Variants in CRLS1 observed in about 807,000 individuals in gnomAD.
The protein encoded by CRLS1 is cardiolipin synthase (CMP-forming).
Under a neutral mutation model 37.0 loss-of-function variants are expected in CRLS1, and 24 were observed. The ratio of observed to expected loss-of-function variants is 0.65; its 90% CI spans 0.47 to 0.91. The LOEUF is 0.91. Ranked by LOEUF, CRLS1 falls within the 40% of genes least tolerant of loss-of-function variation. The pLI is 0.00. For synonymous variants in CRLS1, 135 were observed against 159.7 expected (o/e 0.85, Z 1.17); for missense variants, 373 against 395.8 (o/e 0.94, Z 0.49).
intron 4 of CRLS1, 66 bp from the exon 5 acceptor site, chr20:6,031,944 CTA>C: frequency 8.5e-7 from 1 of 1,172,360 alleles, no homozygotes; most frequent in Non-Finnish European, 1.3e-6. Context: ...AACAAAATGT[CTA>C]TTTTAAATAA....
At chr20:6,028,973 GGA>G (rs1979933643) in intron 3 of CRLS1, among the ~76,000 whole-genome samples, 1 of 152,180 alleles carries the variant, frequency 6.6e-6, no homozygotes, top group African/African-American at 2.4e-5. Flanking sequence ...AACCACAGTA[GGA>G]GCCCATATCC....
At chr20:6,015,896 G>T in intron 3 of CRLS1, 1 of 217,398 alleles carries the variant, frequency 4.6e-6, no homozygotes, top group South Asian at 6.5e-5. Flanking sequence ...TTCTGAAGAT[G>T]TCTATAAAAT....
rs190494625 is a variant in CRLS1, at chr20:6,026,012, G to A, written c.575-5273G>A. ...TTTAAAATATAACACAGACTTAGTG[G>A]ATAAGGCCGCTGCAGGGCTTGAAAG... On this transcript the variant is annotated intron_variant, in intron 3 of 6. Transcript: ENST00000378863. Among the ~76,000 whole-genome samples, 462 of 152,312 alleles carry A rather than the reference G, an allele frequency of 3.0e-3. 2 individuals are homozygous for A. Among genetic ancestry groups the A allele is most frequent in the African/African-American group, 9.8e-3 (408 of 41,566 alleles).
At chr20:6,012,344 A>G (rs1448947167) in intron 2 of CRLS1, among the ~76,000 whole-genome samples, 1 of 152,166 alleles carries the variant, frequency 6.6e-6, no homozygotes, top group African/African-American at 2.4e-5. Context: ...CAAGAGTGGA[A>G]GCAGAGTAAC....
chr20:6,006,208 C>T lies in CRLS1; in HGVS notation c.-39C>T, dbSNP rs1271027132. The T allele has an allele frequency of 4.0e-5, 46 of 1,163,848 alleles. No homozygotes were observed. Among genetic ancestry groups the T allele is most frequent in the Non-Finnish European group, 4.6e-5 (43 of 930,108 alleles). The allele number at this position is 1,163,848 out of a possible 1,614,324, so 72.1% of individuals were successfully genotyped here. On this transcript the variant is annotated 5_prime_UTR_variant, in exon 1 of 7. Coordinates refer to ENST00000378863, the MANE Select transcript of CRLS1 (RefSeq NM_019095.6). ...CTCGCCAGTGTCCCAGGCTGCTGAG[C>T]TCTCGCCGCCCGAGACCCCGCGGCG... is the stretch of plus-strand genomic sequence containing the variant.
intron 3 of CRLS1, among the ~76,000 whole-genome samples, chr20:6,027,932 G>T (rs1413355780): frequency 6.6e-6 from 1 of 152,126 alleles, no homozygotes; most frequent in African/African-American, 2.4e-5. Context: ...AAGGACTTAG[G>T]TTTTGGCTCT....
chr20:6,031,208 G>T, intron 3 of CRLS1, 77 bp from the exon 4 acceptor site: 2 of 895,970 alleles, frequency 2.2e-6, no homozygotes, highest in South Asian at 2.0e-5. Flanking sequence ...AAGGCTGAAT[G>T]ACATATTATT....
intron 6 of CRLS1, among the ~76,000 whole-genome samples, chr20:6,035,029 CTTAT>C (rs1253433116): frequency 1.3e-5 from 2 of 152,180 alleles, no homozygotes; most frequent in Non-Finnish European, 2.9e-5. Flanking sequence ...ATACTAATTG[CTTAT>C]TTATCATCTT....
intron 3 of CRLS1, chr20:6,015,804 C>T (rs1475877172): frequency 1.1e-5 from 3 of 275,566 alleles, no homozygotes; most frequent in Non-Finnish European, 1.4e-5. Context: ...ATTTTTAGTG[C>T]CTAGCTTTTC....
intron 6 of CRLS1, among the ~76,000 whole-genome samples, chr20:6,036,101 A>G (rs553351490): frequency 6.6e-6 from 1 of 152,086 alleles, no homozygotes; most frequent in Admixed American, 6.5e-5. Context: ...CACTGTGCCC[A>G]GCCACTAATT....
chr20:6,014,335 C>T (rs1395575176), intron 2 of CRLS1, among the ~76,000 whole-genome samples: 1 of 152,046 alleles, frequency 6.6e-6, no homozygotes, highest in Non-Finnish European at 1.5e-5. Context: ...TTTTTTTTAC[C>T]ACGGTCCTGG....
At chr20:6,026,229 C>T (rs115243156) in intron 3 of CRLS1, 127 of 152,226 alleles carry the variant, frequency 8.3e-4, no homozygotes, top group African/African-American at 2.9e-3. Context: ...CAGCAGCTGT[C>T]AACATTGAGG....
chr20:6,006,887 T>C, intron 1 of CRLS1: 1 of 912,490 alleles, frequency 1.1e-6, no homozygotes, highest in African/African-American at 1.8e-5. Context: ...TTGAAGTGAA[T>C]CCCCAGTGTT....
chr20:6,032,456 C>A (rs1391745884), intron 5 of CRLS1, among the ~76,000 whole-genome samples: 1 of 149,764 alleles, frequency 6.7e-6, no homozygotes, highest in African/African-American at 2.5e-5. Flanking sequence ...GCCTTGGGTT[C>A]CCAAATTATT....
rs1368516896 is a variant in CRLS1 at position 6,038,517 on chromosome 20, G to A, written c.*1359G>A. 1 of 152,300 alleles carries A rather than the reference G, an allele frequency of 6.6e-6. No homozygotes were observed. Among genetic ancestry groups the A allele is most frequent in the African/African-American group, 2.4e-5 (1 of 41,472 alleles). The allele number at this position is 152,300 out of a possible 1,614,324, so 9.4% of individuals were successfully genotyped here. A position where few individuals can be genotyped will look rare whatever the true frequency, so the allele number is the denominator to read the frequency against. On this transcript the variant is annotated 3_prime_UTR_variant, in exon 7 of 7. Transcript: ENST00000378863. Reference sequence around the variant, plus strand: ...TGCGCTTGGCTTGAAGCATACTGAAGCCTGCAGCCAGGGACACCGCCATTG... The same window carrying A: ...TGCGCTTGGCTTGAAGCATACTGAAACCTGCAGCCAGGGACACCGCCATTG...
chr20:6,011,934 A>G (rs1978349633), intron 2 of CRLS1, among the ~76,000 whole-genome samples: 4 of 151,018 alleles, frequency 2.6e-5, no homozygotes. Flanking sequence ...TATTATCTCC[A>G]AGTCTGTCAA....
chr20:6,007,514 C>A, intron 1 of CRLS1: 2 of 1,155,738 alleles, frequency 1.7e-6, no homozygotes, highest in Non-Finnish European at 2.5e-6. Context: ...CTGAAATATT[C>A]TATGTGGAGC....
chr20:6,034,721 A>T (rs1441091333), intron 6 of CRLS1, among the ~76,000 whole-genome samples, 166 bp downstream of exon 6: 1 of 152,226 alleles, frequency 6.6e-6, no homozygotes, highest in Non-Finnish European at 1.5e-5. Context: ...GCCAAGTATG[A>T]GATGGAGAAG....
chr20:6,010,228 A>G (rs1464525962), intron 2 of CRLS1, among the ~76,000 whole-genome samples: 1 of 152,222 alleles, frequency 6.6e-6, no homozygotes, highest in African/African-American at 2.4e-5. Context: ...AGGGATAGAA[A>G]TAAAGGAGAG....
Sources: allele counts gnomAD v4.1 joint callset (sites outside exome capture counted in the v4.1 genomes callset), GRCh38; gene constraint gnomAD v4.1.1; transcripts MANE v1.5; gene names NCBI Gene and HGNC (gene_info 2026-07-23, HGNC 2026-07-21).